The following TMEM117 variants were observed in gnomAD, a reference collection of about 807,000 sequenced individuals.
TMEM117 encodes the protein transmembrane protein 117.
A neutral mutation model predicts 52.4 loss-of-function variants in TMEM117; 27 were observed. The ratio of observed to expected loss-of-function variants is 0.51; its 90% CI spans 0.38 to 0.71. The LOEUF is 0.71. Among genes scored for constraint, TMEM117 ranks in the 30% least tolerant of loss-of-function variants. TMEM117 has a pLI of 0.00. For missense variants in TMEM117, 556 were observed against 630.5 expected (o/e 0.88, Z 1.26); for synonymous variants, 215 against 206.3 (o/e 1.04, Z -0.36).
chr12:43,952,528 AAG>A (rs572921574), intron 3 of TMEM117, among the ~76,000 whole-genome samples: 28 of 152,140 alleles, frequency 1.8e-4, no homozygotes, highest in South Asian at 4.2e-4. Flanking sequence ...GACCAAGCAG[AAG>A]AGAGAATATC....
the TMEM117 span, chr12:43,798,728 T>C: frequency 1.1e-6 from 1 of 939,906 alleles, no homozygotes; most frequent in Non-Finnish European, 1.5e-6. Context: ...TCAACCATTC[T>C]CCAGACTGAT....
In TMEM117 at chr12:44,163,552, G is replaced by A. The variant is rs1165746986; in HGVS notation, c.510+19928G>A. On this transcript the variant is annotated intron_variant, in intron 4 of 7. Transcript: ENST00000266534. ...TGCCTTAGAAGCAATAGGTAAGTGT[G>A]TGACACTTTGGAAAGCACTGTAATA... 2.0e-5 allele frequency among the ~76,000 whole-genome samples: 3 copies of A among 152,202 alleles called. No individual in the cohort carries two copies. The East Asian group carries it at 5.8e-4, about 29-fold the overall frequency.
chr12:44,083,860 T>C (rs2138021377), intron 3 of TMEM117, among the ~76,000 whole-genome samples: 1 of 152,302 alleles, frequency 6.6e-6, no homozygotes, highest in Admixed American at 6.5e-5. Flanking sequence ...GTTACATGTT[T>C]TGTTCAGTTT....
chr12:44,341,860 T>C (rs11182471), intron 6 of TMEM117, among the ~76,000 whole-genome samples: 8,282 of 152,208 alleles, frequency 0.054, 741 homozygotes, highest in African/African-American at 0.19. Flanking sequence ...GAAACAGTTT[T>C]GGATTAATGA....
chr12:44,004,066 A>G (rs1217822857), intron 3 of TMEM117, among the ~76,000 whole-genome samples: 2 of 152,110 alleles, frequency 1.3e-5, no homozygotes, highest in South Asian at 2.1e-4. Context: ...ACAAATCTCA[A>G]TTCTCTGTTT....
the TMEM117 span, among the ~76,000 whole-genome samples, chr12:43,796,040 C>A: frequency 4.6e-5 from 7 of 152,168 alleles, no homozygotes; most frequent in Non-Finnish European, 1.0e-4. Flanking sequence ...CTATGATACA[C>A]TATTTATTCA....
intron 3 of TMEM117, among the ~76,000 whole-genome samples, chr12:44,062,406 CAG>C (rs1947153898): frequency 6.6e-6 from 1 of 152,186 alleles, no homozygotes; most frequent in Admixed American, 6.5e-5. Flanking sequence ...TTATATGTCT[CAG>C]GGTATCTAAT....
intron 3 of TMEM117, among the ~76,000 whole-genome samples, chr12:43,982,074 G>T (rs1238031730): frequency 6.6e-6 from 1 of 152,142 alleles, no homozygotes; most frequent in Admixed American, 6.5e-5. Context: ...ACCCTGACTT[G>T]ATCATTATGC....
intron 5 of TMEM117, among the ~76,000 whole-genome samples, chr12:44,256,650 T>C (rs1425685990): frequency 6.6e-6 from 1 of 152,118 alleles, no homozygotes; most frequent in Non-Finnish European, 1.5e-5. Flanking sequence ...TGATATGATG[T>C]CAGAAACCCC....
intron 3 of TMEM117, among the ~76,000 whole-genome samples, chr12:44,032,728 A>T (rs1474439806): frequency 1.3e-5 from 2 of 152,200 alleles, no homozygotes; most frequent in African/African-American, 4.8e-5. Flanking sequence ...CAGAGTTATG[A>T]ATGACCCTCA....
chr12:44,161,264 A>T (rs1420685355), intron 4 of TMEM117, among the ~76,000 whole-genome samples: 1 of 152,228 alleles, frequency 6.6e-6, no homozygotes, highest in African/African-American at 2.4e-5. Context: ...ACAAAATTAT[A>T]AAGATAACCT....
chr12:44,368,903 T>C (rs1371658007), intron 6 of TMEM117, among the ~76,000 whole-genome samples: 3 of 152,130 alleles, frequency 2.0e-5, no homozygotes, highest in Admixed American at 6.6e-5. Context: ...TTCATTCTTC[T>C]TAAGAACTGC....
Position 43,925,744 on chromosome 12 carries a change from C to T in TMEM117, c.278-18466C>T, listed in dbSNP as rs188115018. On this transcript the variant is annotated intron_variant, in intron 2 of 7. Transcript: ENST00000266534. ...ACCTATGAATTATATATATTTATCC[C>T]CTAGTACAAGATAGTGTGCTTCTAT... 2.9e-3 allele frequency among the ~76,000 whole-genome samples: 436 copies of T among 152,252 alleles called. 1 individual carries two copies. Among genetic ancestry groups the T allele is most frequent in the Non-Finnish European group, 5.3e-3 (360 of 68,016 alleles).
At chr12:44,110,243 T>C (rs1948035259) in intron 3 of TMEM117, among the ~76,000 whole-genome samples, 1 of 150,066 alleles carries the variant, frequency 6.7e-6, no homozygotes. Flanking sequence ...TCCAACACTA[T>C]GTTGAATAGG....
intron 4 of TMEM117, among the ~76,000 whole-genome samples, chr12:44,182,605 G>A (rs568485295): frequency 7.7e-4 from 117 of 152,166 alleles, no homozygotes; most frequent in Non-Finnish European, 1.2e-3. Context: ...CATACTGAAA[G>A]AACTACCTGA....
At chr12:43,946,335 A>G (rs1228097563) in intron 3 of TMEM117, among the ~76,000 whole-genome samples, 2 of 151,622 alleles carry the variant, frequency 1.3e-5, no homozygotes, top group Non-Finnish European at 2.9e-5. Context: ...TATAATATAT[A>G]AAATATATCT....
At chr12:44,009,235 T>C in intron 3 of TMEM117, 1 of 280,588 alleles carries the variant, frequency 3.6e-6, no homozygotes. Context: ...TCTGGTCTGT[T>C]TTGATATTTT....
intron 6 of TMEM117, among the ~76,000 whole-genome samples, chr12:44,301,757 C>T (rs1053240306): frequency 2.0e-5 from 3 of 151,888 alleles, no homozygotes; most frequent in African/African-American, 2.4e-5. Context: ...CCAGGTTTCT[C>T]GTTCAAATGG....
At chr12:44,059,660 C>A (rs1947109024) in intron 3 of TMEM117, among the ~76,000 whole-genome samples, 1 of 152,170 alleles carries the variant, frequency 6.6e-6, no homozygotes, top group African/African-American at 2.4e-5. Flanking sequence ...CAGGCAAGGG[C>A]TTACATAGTG....
Sources: gnomAD v4.1 joint callset for allele counts (sites outside exome capture counted in the v4.1 genomes callset) on GRCh38, gnomAD v4.1.1 for gene constraint, MANE v1.5 for transcripts, NCBI Gene and HGNC (gene_info 2026-07-23, HGNC 2026-07-21) for gene names.